The following MTMR3 variants were observed in gnomAD, a reference collection of about 807,000 sequenced individuals.
The protein encoded by MTMR3 is myotubularin related protein 3, also known as phosphatidylinositol-3,5-bisphosphate 3-phosphatase MTMR3.
In MTMR3, 32 loss-of-function variants were observed where a neutral mutation model predicts 132.4. The observed-to-expected ratio is 0.24, with a 90% CI of 0.18 to 0.32. MTMR3 has a LOEUF of 0.32. Ranked by LOEUF, MTMR3 falls within the 10% of genes least tolerant of loss-of-function variation. The probability of loss-of-function intolerance (pLI) is 1.00; values close to 1 mark genes in which losing one functional copy is unlikely to be tolerated. For synonymous variants in MTMR3, 556 were observed against 550.3 expected, an observed-to-expected ratio of 1.01 and a Z score of -0.14; for missense variants, 1,216 against 1,489.6, an observed-to-expected ratio of 0.82 and a Z score of 3.02.
At chr22:29,948,713 C>T (rs2065997596) in intron 1 of MTMR3, among the ~76,000 whole-genome samples, 1 of 151,216 alleles carries the variant, frequency 6.6e-6, no homozygotes, top group African/African-American at 2.4e-5. Context: ...AGAAACAAAG[C>T]ATATTAGAAT....
chr22:29,985,770 G>A (rs1052525490), intron 5 of MTMR3: 1 of 152,146 alleles, frequency 6.6e-6, no homozygotes, highest in African/African-American at 2.4e-5. Flanking sequence ...TCAATGCATA[G>A]AACCAACATT....
chr22:29,929,876 G>A (rs1250967613), intron 1 of MTMR3, among the ~76,000 whole-genome samples: 2 of 152,060 alleles, frequency 1.3e-5, no homozygotes, highest in Non-Finnish European at 2.9e-5. Context: ...ACACTTACTG[G>A]GAAGGTCTGA....
intron 7 of MTMR3, chr22:29,997,095 G>C (rs545992797): frequency 6.6e-6 from 1 of 152,196 alleles, no homozygotes. Flanking sequence ...CCCCAATTCA[G>C]ATAGTTTTTT....
At chr22:29,957,233 A>G (rs960832767) in intron 2 of MTMR3, 145 bp downstream of exon 2, 6 of 142,746 alleles carry the variant, frequency 4.2e-5, no homozygotes, top group African/African-American at 1.3e-4. Context: ...GAGTTTTTCT[A>G]TGTTCACTTT....
intron 2 of MTMR3, among the ~76,000 whole-genome samples, chr22:29,961,796 G>A (rs1453211694): frequency 6.6e-6 from 1 of 152,178 alleles, no homozygotes; most frequent in Non-Finnish European, 1.5e-5. Flanking sequence ...ACCATTCATG[G>A]TAAGTGTTGT....
At chr22:29,960,094 A>G (rs2066280770) in intron 2 of MTMR3, among the ~76,000 whole-genome samples, 1 of 152,056 alleles carries the variant, frequency 6.6e-6, no homozygotes, top group Non-Finnish European at 1.5e-5. Context: ...AGCATGATCT[A>G]GGTTTGAAGA....
chr22:30,020,800 A>G lies in MTMR3; in HGVS notation c.3141A>G (p.Lys1047=), dbSNP rs766978154. The part of the protein sequence containing the change: ...GHQQEVETLK[K]QVQELKSRLE... ...AGCAGGAAGTAGAAACTTTGAAGAAACAAGTCCAGGAGCTGAAGAGTCGCC... is the reference window on the plus strand; with the variant it reads ...AGCAGGAAGTAGAAACTTTGAAGAAGCAAGTCCAGGAGCTGAAGAGTCGCC... The change falls in exon 17 of 20, where the codon AAA becomes AAG. Residue 1047 remains lysine (K), a synonymous_variant. Coordinates refer to ENST00000401950, the MANE Select transcript of MTMR3 (RefSeq NM_021090.4). 79 of 1,613,442 alleles carry G rather than the reference A, an allele frequency of 4.9e-5. No individual in the cohort carries two copies. Among genetic ancestry groups the G allele is most frequent in the South Asian group, 2.6e-4 (24 of 91,018 alleles).
At position 29,956,799 on chromosome 22, in the gene MTMR3, G is replaced by T. The variant is rs58158427; in HGVS notation, c.-137-237G>T. On this transcript the variant is annotated intron_variant, in intron 1 of 19. Coordinates refer to ENST00000401950, the MANE Select transcript of MTMR3 (RefSeq NM_021090.4). ...CTCTCTGTGGGGTTTGAAAAGCTCT[G>T]TTCTCTACAGTTCTGCAATTTCTGA... Among the ~76,000 whole-genome samples the T allele has an allele frequency of 1.2e-4, 19 of 152,240 alleles. No individual in the cohort carries two copies. The East Asian group carries it at 3.7e-3, about 29-fold the overall frequency.
chr22:30,022,075 C>G lies in MTMR3; in HGVS notation c.3272C>G (p.Ser1091Cys). ...AGCAATCTGGATCAGAACTGTTTGT[C>G]TCGCTGCAGCACAGAGATTTTCTCT... ...SESNLDQNCL[S>C]RCSTEIFSEA... is the part of the protein sequence containing the mutation. Residue 1091 changes from serine to cysteine, a missense_variant, in exon 18 of 20, where the codon TCT (serine) becomes TGT (cysteine). By Grantham distance (112) the Ser-to-Cys change is moderately radical (BLOSUM62 -1). Transcript: ENST00000401950. 1 of 1,614,214 alleles carries G rather than the reference C, an allele frequency of 6.2e-7. No individual in the cohort carries two copies. Among genetic ancestry groups the G allele is most frequent in the Non-Finnish European group, 8.5e-7 (1 of 1,180,036 alleles).
At chr22:29,951,513 G>A (rs1329939251) in intron 1 of MTMR3, among the ~76,000 whole-genome samples, 9 of 152,184 alleles carry the variant, frequency 5.9e-5, no homozygotes, top group Admixed American at 2.0e-4. Flanking sequence ...AGGTGCATGT[G>A]AAATGCAACC....
intron 1 of MTMR3, among the ~76,000 whole-genome samples, chr22:29,928,637 T>TA (rs1360649862): frequency 1.2e-4 from 18 of 152,202 alleles, no homozygotes; most frequent in Admixed American, 4.6e-4. Context: ...TCTAGTTTTT[T>TA]GTTTTTACAA....
intron 1 of MTMR3, among the ~76,000 whole-genome samples, chr22:29,918,572 G>A (rs2065351023): frequency 1.3e-5 from 2 of 152,176 alleles, no homozygotes; most frequent in South Asian, 2.1e-4. Flanking sequence ...CTCTGTAGAT[G>A]TAGTGGTGAA....
At position 29,913,897 on chromosome 22, in the gene MTMR3, T is replaced by A. The variant is rs2107674; in HGVS notation, c.-138+30538T>A. On this transcript the variant is annotated intron_variant, in intron 1 of 19. Coordinates refer to ENST00000401950, the MANE Select transcript of MTMR3 (RefSeq NM_021090.4). ...CTGCTGAGGAGCTGGGACTACAGGC[T>A]CATGCCACCGCACTCGGCTAATTTT... is the stretch of plus-strand genomic sequence containing the variant. Among the ~76,000 whole-genome samples the A allele has an allele frequency of 2.6e-5, 4 of 152,158 alleles. 1 individual carries two copies. The South Asian group carries it at 8.3e-4, about 32-fold the overall frequency.
chr22:29,946,494 C>T (rs2065956218), intron 1 of MTMR3, among the ~76,000 whole-genome samples: 1 of 152,116 alleles, frequency 6.6e-6, no homozygotes, highest in African/African-American at 2.4e-5. Flanking sequence ...TGCACCAGGT[C>T]AGGCCTGTTC....
chr22:29,927,962 A>G (rs1379859099), intron 1 of MTMR3, among the ~76,000 whole-genome samples: 1 of 55,500 alleles, frequency 1.8e-5, no homozygotes, highest in Non-Finnish European at 4.1e-5. Flanking sequence ...TTTTTTTGAG[A>G]CGACGTCTTG....
chr22:29,958,077 T>TA (rs2066236754), intron 2 of MTMR3, among the ~76,000 whole-genome samples: 1 of 150,790 alleles, frequency 6.6e-6, no homozygotes, highest in Non-Finnish European at 1.5e-5. Flanking sequence ...TCCCCGAGGA[T>TA]AAGGCAGGGG....
Position 30,007,594 on chromosome 22 carries a change from C to T in MTMR3, c.877+275C>T. The T allele has an allele frequency of 5.4e-6, 3 of 557,430 alleles. No individual in the cohort carries two copies. The Admixed American group carries it at 9.6e-5, about 18-fold the overall frequency. The allele number at this position is 557,430 out of a possible 1,614,324, so 34.5% of individuals were successfully genotyped here. A position where few individuals can be genotyped will look rare whatever the true frequency, so the allele number is the denominator to read the frequency against. ...TGTAATAGAGGACTTGCAGTATCTG[C>T]AGACCATGGCAGGAAATGCCAGGCT... On this transcript the variant is annotated intron_variant, in intron 10 of 19. Transcript: ENST00000401950.
intron 1 of MTMR3, among the ~76,000 whole-genome samples, chr22:29,918,303 A>G (rs923724402): frequency 6.6e-6 from 1 of 152,232 alleles, no homozygotes; most frequent in Admixed American, 6.5e-5. Flanking sequence ...TTCTTCTTGT[A>G]CTGAAAAATA....
intron 2 of MTMR3, among the ~76,000 whole-genome samples, chr22:29,961,177 A>G (rs1015207761): frequency 1.3e-5 from 2 of 152,078 alleles, no homozygotes; most frequent in African/African-American, 2.4e-5. Flanking sequence ...CCCCTCTGCA[A>G]CCCTTCCCCC....
Sources: gnomAD v4.1 joint callset for allele counts (sites outside exome capture counted in the v4.1 genomes callset) on GRCh38, gnomAD v4.1.1 for gene constraint, MANE v1.5 for transcripts, NCBI Gene and HGNC (gene_info 2026-07-23, HGNC 2026-07-21) for gene names.